Variants in CHP1 observed in about 807,000 individuals in gnomAD.
CHP1 encodes calcineurin like EF-hand protein 1, also known as calcineurin B homologous protein 1.
A neutral mutation model predicts 27.4 loss-of-function variants in CHP1; 11 were observed. The observed-to-expected ratio is 0.40, with a 90% CI of 0.25 to 0.67. The LOEUF is 0.67. Ranked by LOEUF, CHP1 falls within the 30% of genes least tolerant of loss-of-function variation. CHP1 has a pLI of 0.38. For synonymous variants in CHP1, 89 were observed against 87.4 expected (o/e 1.02, Z -0.10); for missense variants, 169 against 251.3 (o/e 0.67, Z 2.22).
chr15:41,235,247 AG>A (rs528456668), intron 1 of CHP1, among the ~76,000 whole-genome samples: 15,939 of 152,218 alleles, frequency 0.1, 1,174 homozygotes, highest in African/African-American at 0.2. Context: ...GGCCAGGCGC[AG>A]TGGCTCACAC....
chr15:41,273,502 C>G (rs1461246787), intron 5 of CHP1, among the ~76,000 whole-genome samples: 1 of 152,054 alleles, frequency 6.6e-6, no homozygotes, highest in Non-Finnish European at 1.5e-5. Flanking sequence ...CTGACTCAGC[C>G]TCCAGTGTAG....
intron 4 of CHP1, 79 bp downstream of exon 4, chr15:41,262,962 G>A: frequency 6.4e-7 from 1 of 1,558,064 alleles, no homozygotes. Context: ...CTCATTATTT[G>A]AACAAGCATC....
At chr15:41,266,276 T>TC (rs1437283684) in intron 4 of CHP1, among the ~76,000 whole-genome samples, 1 of 151,866 alleles carries the variant, frequency 6.6e-6, no homozygotes, top group Non-Finnish European at 1.5e-5. Flanking sequence ...AGAGTGAAAC[T>TC]CCATCTCAAA....
At chr15:41,237,600 C>T (rs1418067186) in intron 1 of CHP1, among the ~76,000 whole-genome samples, 1 of 152,164 alleles carries the variant, frequency 6.6e-6, no homozygotes, top group Non-Finnish European at 1.5e-5. Flanking sequence ...GTAGTCTATT[C>T]CGGGAAGCGC....
At position 41,279,277 on chromosome 15, in the gene CHP1, A is replaced by G; in HGVS notation, c.535-59A>G. The G allele has an allele frequency of 6.8e-6, 9 of 1,326,310 alleles. No individual in the cohort carries two copies. The South Asian group carries it at 9.4e-5, about 14-fold the overall frequency. 82.2% of individuals were successfully genotyped at this position (1,326,310 alleles called of 1,614,324 possible). On this transcript the variant is annotated intron_variant, in intron 6 of 6. Transcript: ENST00000334660. ...GGGGGGAAAACATTACTCAGATAAG[A>G]GCTTGGGAGTGTTGTAATCTTCATA... is the stretch of plus-strand genomic sequence containing the variant.
At chr15:41,262,728 T>A (rs1244844943) in intron 3 of CHP1, 28 bp from the exon 4 acceptor site, 1 of 1,610,278 alleles carries the variant, frequency 6.2e-7, no homozygotes, top group Non-Finnish European at 8.5e-7. Flanking sequence ...ATTGACATGG[T>A]GTTGTGTTTG....
chr15:41,279,251 A>C, intron 6 of CHP1, 85 bp from the exon 7 acceptor site: 1 of 1,103,594 alleles, frequency 9.1e-7, no homozygotes, highest in Non-Finnish European at 1.4e-6. Context: ...CACAGGAGGA[A>C]GGGGGGAAAA....
Position 41,250,665 on chromosome 15 carries a change from A to AC in CHP1, c.141-6245_141-6244insC, listed in dbSNP as rs568950699. ...ATCCAGGTGAGGTTTCTTACCAAAA[A>AC]AAAAAAAAAGGAACAGAAGCAAACT... On this transcript the variant is annotated intron_variant, in intron 2 of 6. Coordinates refer to ENST00000334660, the MANE Select transcript of CHP1 (RefSeq NM_007236.5). Among the ~76,000 whole-genome samples the AC allele has an allele frequency of 5.4e-4, 82 of 151,070 alleles. 1 individual carries two copies. In the South Asian group the frequency reaches 0.017, roughly 31 times the overall value.
intron 5 of CHP1, chr15:41,272,502 C>T (rs1273846236): frequency 6.6e-6 from 1 of 152,052 alleles, no homozygotes; most frequent in South Asian, 2.1e-4. Context: ...CTCACTGCAC[C>T]CTCCGCCACC....
intron 2 of CHP1, among the ~76,000 whole-genome samples, chr15:41,248,624 T>G (rs1046893345): frequency 8.6e-5 from 13 of 152,032 alleles, no homozygotes; most frequent in Non-Finnish European, 1.9e-4. Flanking sequence ...GATTGAAATA[T>G]AAGAAAGGTT....
intron 5 of CHP1, among the ~76,000 whole-genome samples, chr15:41,278,103 C>T (rs77807473): frequency 0.14 from 21,581 of 151,804 alleles, 2,460 homozygotes; most frequent in African/African-American, 0.32. Flanking sequence ...CCGAGGTGAG[C>T]GGATCACGAG....
chr15:41,256,786 T>G, intron 2 of CHP1, 124 bp from the exon 3 acceptor site: 1 of 758,174 alleles, frequency 1.3e-6, no homozygotes, highest in Non-Finnish European at 2.3e-6. Flanking sequence ...TTGGTATAAT[T>G]TGCCACAGAA....
At chr15:41,274,163 A>G (rs1211353370) in intron 5 of CHP1, among the ~76,000 whole-genome samples, 3 of 151,746 alleles carry the variant, frequency 2.0e-5, no homozygotes, top group Non-Finnish European at 4.4e-5. Context: ...GTTTCACCGT[A>G]TTGGCCAGGC....
intron 4 of CHP1, chr15:41,264,071 A>G (rs1290317438): frequency 6.8e-6 from 4 of 589,750 alleles, no homozygotes; most frequent in African/African-American, 5.8e-5. Context: ...TTACTCTGCC[A>G]TCCTCATAGT....
At chr15:41,270,441 T>C (rs749439782) in intron 4 of CHP1, 116 bp from the exon 5 acceptor site, 8 of 756,576 alleles carry the variant, frequency 1.1e-5, no homozygotes, top group Admixed American at 6.9e-5. Flanking sequence ...GCAATTGTTC[T>C]TGGAAAATCG....
chr15:41,255,614 A>G (rs1292920954), intron 2 of CHP1, among the ~76,000 whole-genome samples: 2 of 152,190 alleles, frequency 1.3e-5, no homozygotes, highest in Non-Finnish European at 2.9e-5. Flanking sequence ...AGGAGGTTGC[A>G]GTGAACCCAG....
intron 1 of CHP1, among the ~76,000 whole-genome samples, chr15:41,237,146 CTT>C (rs1157143384): frequency 1.1e-4 from 14 of 127,720 alleles, no homozygotes; most frequent in Non-Finnish European, 1.0e-4. Flanking sequence ...TTTTCTTTTT[CTT>C]TTTTTTTTTT....
At chr15:41,243,634 C>A (rs1319201031) in intron 1 of CHP1, 33 bp from the exon 2 acceptor site, 2 of 1,600,774 alleles carry the variant, frequency 1.2e-6, no homozygotes, top group East Asian at 4.5e-5. Flanking sequence ...AGGGCTACTT[C>A]CCCCGAGCTG....
chr15:41,243,160 C>T (rs1249691063), intron 1 of CHP1, among the ~76,000 whole-genome samples: 3 of 151,616 alleles, frequency 2.0e-5, no homozygotes, highest in East Asian at 1.9e-4. Context: ...GCCAACATGG[C>T]GAAACCCCGT....
Sources: gnomAD v4.1 joint callset for allele counts (sites outside exome capture counted in the v4.1 genomes callset) on GRCh38, gnomAD v4.1.1 for gene constraint, MANE v1.5 for transcripts, NCBI Gene and HGNC (gene_info 2026-07-23, HGNC 2026-07-21) for gene names.